The following CDK14 variants were observed in gnomAD, a reference collection of about 807,000 sequenced individuals.
The protein encoded by CDK14 is cyclin dependent kinase 14, also known as cyclin-dependent kinase 14.
A neutral mutation model predicts 60.7 loss-of-function variants in CDK14; 34 were observed. The ratio of observed to expected loss-of-function variants is 0.56; its 90% CI spans 0.43 to 0.75. CDK14 has a LOEUF of 0.75. Ranked by LOEUF, CDK14 falls within the 30% of genes least tolerant of loss-of-function variation. The pLI, the probability that CDK14 is intolerant of heterozygous loss-of-function variation, is 0.00. For missense variants in CDK14, 482 were observed against 564.1 expected, an observed-to-expected ratio of 0.85 and a Z score of 1.47; for synonymous variants, 197 against 203.7, an observed-to-expected ratio of 0.97 and a Z score of 0.28.
At chr7:90,995,119 A>G (rs780030880) in intron 10 of CDK14, among the ~76,000 whole-genome samples, 5 of 152,194 alleles carry the variant, frequency 3.3e-5, no homozygotes, top group Non-Finnish European at 7.4e-5. Flanking sequence ...TGGATAGAAT[A>G]TGGCAAAAAT....
intron 4 of CDK14, among the ~76,000 whole-genome samples, chr7:90,760,140 C>A (rs950809103): frequency 6.6e-6 from 1 of 152,174 alleles, no homozygotes; most frequent in African/African-American, 2.4e-5. Flanking sequence ...TGAGAGACTA[C>A]ACCAAACCAA....
chr7:91,109,809 A>G (rs1225242595), intron 12 of CDK14, among the ~76,000 whole-genome samples: 1 of 152,160 alleles, frequency 6.6e-6, no homozygotes, highest in African/African-American at 2.4e-5. Context: ...ATTATATTGT[A>G]TTAATGTGAG....
chr7:90,635,346 A>G (rs1800115381), intron 2 of CDK14, among the ~76,000 whole-genome samples: 1 of 152,326 alleles, frequency 6.6e-6, no homozygotes, highest in East Asian at 1.9e-4. Flanking sequence ...TCAGCTTTCT[A>G]CAGATGGCTA....
intron 11 of CDK14, among the ~76,000 whole-genome samples, chr7:91,053,199 G>A (rs1797442325): frequency 6.6e-6 from 1 of 152,154 alleles, no homozygotes; most frequent in African/African-American, 2.4e-5. Flanking sequence ...TATCTCATTT[G>A]ATAGTTAGAA....
chr7:90,674,479 C>T (rs1301050725), intron 2 of CDK14, among the ~76,000 whole-genome samples: 1 of 152,152 alleles, frequency 6.6e-6, no homozygotes, highest in African/African-American at 2.4e-5. Flanking sequence ...AGATGAATTT[C>T]TGCAGATGTA....
chr7:91,127,631 CTG>C (rs1387379965), intron 14 of CDK14, among the ~76,000 whole-genome samples: 2 of 152,094 alleles, frequency 1.3e-5, no homozygotes, highest in South Asian at 2.1e-4. Flanking sequence ...TAGAATATGA[CTG>C]TGTCCTATTT....
In CDK14 at chr7:90,867,217, C is replaced by T. The variant is rs555478012; in HGVS notation, c.639+3948C>T. Among the ~76,000 whole-genome samples, 12 of 152,234 alleles carry T rather than the reference C, an allele frequency of 7.9e-5. 1 individual carries two copies. The highest frequency in any genetic ancestry group is 2.4e-4 in the African/African-American group (10 of 41,536). ...TGGTCTAAAATATTATTATAGCTGT[C>T]TTTTTTCCCTATACAGGTTTAAGAC... On this transcript the variant is annotated intron_variant, in intron 6 of 14. Coordinates refer to ENST00000380050, the MANE Select transcript of CDK14 (RefSeq NM_001287135.2).
intron 12 of CDK14, 76 bp downstream of exon 12, chr7:91,079,556 A>G: frequency 1.9e-6 from 2 of 1,054,076 alleles, no homozygotes; most frequent in Non-Finnish European, 2.9e-6. Context: ...TACGTTTTTC[A>G]TGGCATTGTT....
At chr7:91,184,282 C>T (rs1352088471) in intron 14 of CDK14, among the ~76,000 whole-genome samples, 1 of 119,768 alleles carries the variant, frequency 8.3e-6, no homozygotes, top group Non-Finnish European at 1.8e-5. Flanking sequence ...GAGATCCTCT[C>T]AAAAAAAAAA....
chr7:90,849,463 T>C lies in CDK14; in HGVS notation c.545-13712T>C, dbSNP rs779514067. Reference sequence around the variant, plus strand: ...ATACACTTATAATTGTTACTTTATCTTATCTTGGACAAAGTGGTGTTAGGT... The same window carrying C: ...ATACACTTATAATTGTTACTTTATCCTATCTTGGACAAAGTGGTGTTAGGT... On this transcript the variant is annotated intron_variant, in intron 5 of 14. Coordinates refer to ENST00000380050, the MANE Select transcript of CDK14 (RefSeq NM_001287135.2). Among the ~76,000 whole-genome samples, 24 of 152,180 alleles carry C rather than the reference T, an allele frequency of 1.6e-4. No individual in the cohort carries two copies. In the Middle Eastern group the frequency reaches 0.014, roughly 86 times the overall value.
chr7:90,781,496 C>T (rs1177702895), intron 4 of CDK14, among the ~76,000 whole-genome samples: 2 of 149,296 alleles, frequency 1.3e-5, no homozygotes, highest in African/African-American at 2.5e-5. Flanking sequence ...TTGCCCATGC[C>T]TATGTCCTGA....
rs1471536799 is a variant in CDK14 at position 91,151,467 on chromosome 7, G to T, written c.*28+33259G>T. Among the ~76,000 whole-genome samples the T allele has an allele frequency of 2.6e-5, 4 of 152,212 alleles. No individual in the cohort carries two copies. In the South Asian group the frequency reaches 8.3e-4, roughly 32 times the overall value. ...AATGTAGTTAGCCTATAAAGTTGGG[G>T]GCTGGACCTGAGTTTCTCTAACTCC... On this transcript the variant is annotated intron_variant, in intron 14 of 14. Transcript: ENST00000380050.
intron 6 of CDK14, among the ~76,000 whole-genome samples, chr7:90,884,881 T>A (rs940148672): frequency 6.6e-6 from 1 of 152,156 alleles, no homozygotes; most frequent in Non-Finnish European, 1.5e-5. Flanking sequence ...TGGCTAGCCA[T>A]ATGTGGAAAA....
chr7:90,628,195 A>G (rs10259720), intron 2 of CDK14, among the ~76,000 whole-genome samples: 129,732 of 152,160 alleles, frequency 0.85, 55,420 homozygotes, highest in East Asian at 1. Flanking sequence ...GGACTCAAGT[A>G]ATCTACCTGC....
chr7:91,158,500 A>T (rs1801060540), intron 14 of CDK14, among the ~76,000 whole-genome samples: 2 of 152,168 alleles, frequency 1.3e-5, no homozygotes, highest in South Asian at 2.1e-4. Context: ...TACAGGCCAA[A>T]CATAGAAATT....
intron 11 of CDK14, among the ~76,000 whole-genome samples, chr7:91,071,542 A>C (rs891245381): frequency 6.6e-6 from 1 of 152,198 alleles, no homozygotes; most frequent in Non-Finnish European, 1.5e-5. Flanking sequence ...GGATCGGAAG[A>C]TCCCACTCAT....
At chr7:90,738,836 G>A (rs1235453938) in intron 3 of CDK14, among the ~76,000 whole-genome samples, 3 of 150,450 alleles carry the variant, frequency 2.0e-5, no homozygotes, top group Admixed American at 6.6e-5. Context: ...AAAGTTGCAA[G>A]GAAAAAAAGA....
chr7:90,607,493 C>T (rs1396140427), intron 2 of CDK14, among the ~76,000 whole-genome samples: 2 of 152,092 alleles, frequency 1.3e-5, no homozygotes, highest in Non-Finnish European at 2.9e-5. Context: ...TGACCTTGAA[C>T]ACAGCAGAAA....
At chr7:91,059,017 A>G (rs143375410) in intron 11 of CDK14, among the ~76,000 whole-genome samples, 91 of 152,244 alleles carry the variant, frequency 6.0e-4, no homozygotes, top group African/African-American at 2.1e-3. Flanking sequence ...GAATTCGACT[A>G]TGAGTCCGTC....
Sources: allele counts gnomAD v4.1 joint callset (sites outside exome capture counted in the v4.1 genomes callset), GRCh38; gene constraint gnomAD v4.1.1; transcripts MANE v1.5; gene names NCBI Gene and HGNC (gene_info 2026-07-23, HGNC 2026-07-21).